DST: variants seen among roughly 807,000 people sequenced by gnomAD.
DST encodes the protein bullous pemphigoid antigen.
DST carries 253 observed loss-of-function variants against 875.2 expected under a neutral mutation model. The observed-to-expected ratio is 0.29, with a 90% CI of 0.26 to 0.32. The LOEUF is 0.32. Ranked by LOEUF, DST falls within the 10% of genes least tolerant of loss-of-function variation. The pLI is 1.00. For synonymous variants in DST, 3,124 were observed against 3,197.1 expected (o/e 0.98, Z 0.77); for missense variants, 8,287 against 9,111.6 (o/e 0.91, Z 3.68).
chr6:56,724,012 C>A (rs1055685810), intron 5 of DST, among the ~76,000 whole-genome samples: 1 of 152,150 alleles, frequency 6.6e-6, no homozygotes, highest in Non-Finnish European at 1.5e-5. Context: ...CTTCTCAACA[C>A]TGGAAAATTA....
At chr6:56,486,984 G>T in intron 87 of DST, 120 bp downstream of exon 87, 1 of 895,764 alleles carries the variant, frequency 1.1e-6, no homozygotes, top group African/African-American at 1.7e-5. Context: ...CTTAGGACAA[G>T]CAGAAGTTCC....
At chr6:56,706,029 G>C (rs959167266) in intron 5 of DST, among the ~76,000 whole-genome samples, 1 of 152,140 alleles carries the variant, frequency 6.6e-6, no homozygotes, top group Non-Finnish European at 1.5e-5. Context: ...CTGTAAATAC[G>C]CCATGCTCAG....
chr6:56,525,400 C>T (rs2152504110), intron 69 of DST, among the ~76,000 whole-genome samples: 1 of 152,276 alleles, frequency 6.6e-6, no homozygotes, highest in East Asian at 1.9e-4. Context: ...AGGGCTTTTG[C>T]TATCACTGCA....
At chr6:56,811,318 C>T (rs1402179641) in intron 4 of DST, among the ~76,000 whole-genome samples, 1 of 151,228 alleles carries the variant, frequency 6.6e-6, no homozygotes, top group East Asian at 1.9e-4. Flanking sequence ...TCTCAGCTGA[C>T]ACCAGGGAGG....
chr6:56,800,861 A>T (rs1295718739), intron 4 of DST, among the ~76,000 whole-genome samples: 1 of 151,996 alleles, frequency 6.6e-6, no homozygotes, highest in Non-Finnish European at 1.5e-5. Flanking sequence ...TCTCCAAAAA[A>T]TACAAAAAAT....
chr6:56,798,122 C>T (rs1259904905), intron 4 of DST, among the ~76,000 whole-genome samples: 1 of 152,190 alleles, frequency 6.6e-6, no homozygotes, highest in East Asian at 1.9e-4. Flanking sequence ...TCCATAAAAT[C>T]TGGCTAAAAT....
chr6:56,619,520 T>A (rs762936489), intron 36 of DST: 1 of 1,613,262 alleles, frequency 6.2e-7, no homozygotes, highest in Admixed American at 1.7e-5. Context: ...AATTTGTGAA[T>A]TTAAATGCTG....
chr6:56,770,563 C>G (rs1354251281), intron 4 of DST, among the ~76,000 whole-genome samples: 1 of 152,126 alleles, frequency 6.6e-6, no homozygotes, highest in Non-Finnish European at 1.5e-5. Flanking sequence ...ACTGGATAAA[C>G]TAAAAGTTGG....
intron 4 of DST, among the ~76,000 whole-genome samples, chr6:56,755,772 G>C (rs2099600938): frequency 6.6e-6 from 1 of 152,186 alleles, no homozygotes; most frequent in African/African-American, 2.4e-5. Context: ...GCCTAAAAAA[G>C]AGATTATAGA....
In DST at chr6:56,578,955, T is replaced by C. The variant is rs752105517; in HGVS notation, c.12904-18A>G. On this transcript the variant is annotated intron_variant, in intron 49 of 103. Coordinates refer to ENST00000680361, the MANE Select transcript of DST (RefSeq NM_001374736.1). ...TGCAAAGCCTGTAGGATTAAACGCT[T>C]TTCAATTATACTCAGCAGGACTAAA... is the stretch of plus-strand genomic sequence containing the variant. The C allele has an allele frequency of 3.8e-6, 6 of 1,567,136 alleles. No individual in the cohort carries two copies. Among genetic ancestry groups the C allele is most frequent in the Non-Finnish European group, 5.2e-6 (6 of 1,153,938 alleles).
intron 5 of DST, among the ~76,000 whole-genome samples, chr6:56,721,191 C>T (rs1198901543): frequency 8.7e-5 from 8 of 92,090 alleles, no homozygotes; most frequent in East Asian, 4.0e-4. Flanking sequence ...GGCGGGGGTG[C>T]GCCCCCCACC....
intron 77 of DST, among the ~76,000 whole-genome samples, chr6:56,505,910 A>G (rs1298274582): frequency 6.6e-6 from 1 of 152,212 alleles, no homozygotes; most frequent in African/African-American, 2.4e-5. Flanking sequence ...AAAAGAAATT[A>G]TATACATGGA....
chr6:56,531,334 TTATGGTAG>T (rs1289642376), intron 64 of DST, among the ~76,000 whole-genome samples: 3 of 152,126 alleles, frequency 2.0e-5, no homozygotes, highest in Non-Finnish European at 4.4e-5. Flanking sequence ...AGAAGACTAG[TTATGGTAG>T]TAAAGCAGAG....
In DST at chr6:56,605,437, CCTT is replaced by C. The variant is rs757486545; in HGVS notation, c.9188_9190del (p.Glu3063del). ...ATGCCTATTTTCTTCTTCTACTAGA[CCTT>C]CTACAAGCACTTCTCCTTCACCCAA... On this transcript the variant is annotated inframe_deletion, in exon 40 of 104. Coordinates refer to ENST00000680361, the MANE Select transcript of DST (RefSeq NM_001374736.1). 8.7e-6 allele frequency: 14 copies of C among 1,612,760 alleles called. No homozygotes were observed. The highest frequency in any genetic ancestry group is 1.2e-5 in the Non-Finnish European group (14 of 1,179,282).
chr6:56,555,750 G>A lies in DST; in HGVS notation c.14731C>T (p.Pro4911Ser). 1 of 1,603,738 alleles carries A rather than the reference G, an allele frequency of 6.2e-7. No homozygotes were observed. The highest frequency in any genetic ancestry group is 8.5e-7 in the Non-Finnish European group (1 of 1,171,900). ...TCTTTCACAATCCCACGTAAAGAAG[G>A]GTCTTCTCCAGGCCTGCTCAGAATG... Reference protein sequence around the residue: ...QGILSRPGEDPSLRGIVKEQL... With the variant: ...QGILSRPGEDSSLRGIVKEQL... The change falls in exon 60 of 104, where the codon CCT (proline) becomes TCT (serine). Residue 4911 changes from proline (P) to serine (S), a missense_variant. This residue lies in a region of DST where 1,513 missense variants were observed against 1,677.8 expected (regional missense o/e 0.90). Coordinates refer to ENST00000680361, the MANE Select transcript of DST (RefSeq NM_001374736.1).
At chr6:56,926,420 G>A (rs1807118859) in intron 2 of DST, among the ~76,000 whole-genome samples, 1 of 152,218 alleles carries the variant, frequency 6.6e-6, no homozygotes, top group Admixed American at 6.5e-5. Context: ...ATGGTAACAT[G>A]ATAGAAGTAA....
At chr6:56,619,056 C>A (rs534044028) in intron 36 of DST, 4 of 1,613,988 alleles carry the variant, frequency 2.5e-6, no homozygotes, top group Non-Finnish European at 3.4e-6. Context: ...AATTCACTTA[C>A]CAAATTTTGA....
chr6:56,662,965 GAACAA>G (rs1194344648), intron 10 of DST, among the ~76,000 whole-genome samples: 1 of 151,722 alleles, frequency 6.6e-6, no homozygotes. Flanking sequence ...AAACAAAACA[GAACAA>G]AACAAAACAA....
chr6:56,497,270 T>C (rs1355919192), intron 82 of DST, 109 bp downstream of exon 82: 3 of 1,304,902 alleles, frequency 2.3e-6, no homozygotes, highest in African/African-American at 2.9e-5. Context: ...ATTTCTGCCA[T>C]AAACTATATC....
Sources: gnomAD v4.1 joint callset for allele counts (sites outside exome capture counted in the v4.1 genomes callset) on GRCh38, gnomAD v4.1.1 for gene constraint, gnomAD v4.1.1 regional missense constraint, MANE v1.5 for transcripts, NCBI Gene and HGNC (gene_info 2026-07-23, HGNC 2026-07-21) for gene names.